NLGN4X: variants seen among roughly 807,000 people sequenced by gnomAD.
The protein encoded by NLGN4X is neuroligin-4, X-linked.
NLGN4X carries 3 observed loss-of-function variants against 40.3 expected under a neutral mutation model. The observed-to-expected ratio is 0.07, with a 90% CI of 0.03 to 0.19. NLGN4X has a LOEUF of 0.19. Among genes scored for constraint, NLGN4X ranks in the 10% least tolerant of loss-of-function variants. The pLI, the probability that NLGN4X is intolerant of heterozygous loss-of-function variation, is 1.00. For missense variants in NLGN4X, 382 were observed against 708.3 expected (o/e 0.54, Z 5.23); for synonymous variants, 270 against 306.8 (o/e 0.88, Z 1.25).
intron 2 of NLGN4X, among the ~76,000 whole-genome samples, chrX:6,107,869 A>G (rs1336872819): frequency 8.9e-6 from 1 of 112,295 alleles, no homozygotes; most frequent in African/African-American, 3.2e-5. Flanking sequence ...ATGTTGCTGC[A>G]AAGGACATGA....
At chrX:5,963,700 T>C (rs1183437725) in intron 3 of NLGN4X, among the ~76,000 whole-genome samples, 1 of 111,943 alleles carries the variant, frequency 8.9e-6, no homozygotes, top group Non-Finnish European at 1.9e-5. Flanking sequence ...TAAAAGCCAC[T>C]TGCATGTCGA....
At chrX:5,973,269 G>A (rs748102487) in intron 3 of NLGN4X, among the ~76,000 whole-genome samples, 2 of 112,340 alleles carry the variant, frequency 1.8e-5, no homozygotes, top group East Asian at 2.8e-4. Flanking sequence ...ACCACTCATG[G>A]ACAAATCATC....
At chrX:5,923,688 T>C (rs756499826) in intron 3 of NLGN4X, among the ~76,000 whole-genome samples, 5 of 111,728 alleles carry the variant, frequency 4.5e-5, no homozygotes, top group Non-Finnish European at 9.4e-5. Flanking sequence ...CCTGCCCCCA[T>C]GATTCACTTG....
At chrX:6,160,880 G>T (rs774855245) in intron 1 of NLGN4X, among the ~76,000 whole-genome samples, 128 of 74,862 alleles carry the variant, frequency 1.7e-3, no homozygotes, top group African/African-American at 5.0e-3. Flanking sequence ...GCTATATATA[G>T]AGAGAGAATA....
intron 2 of NLGN4X, among the ~76,000 whole-genome samples, chrX:6,080,867 C>A (rs1047765542): frequency 9.0e-6 from 1 of 111,048 alleles, no homozygotes; most frequent in Non-Finnish European, 1.9e-5. Flanking sequence ...ATAGAGACAG[C>A]GTCTCACTAT....
At chrX:6,019,378 C>T (rs1320983505) in intron 3 of NLGN4X, among the ~76,000 whole-genome samples, 1 of 111,632 alleles carries the variant, frequency 9.0e-6, no homozygotes, top group Non-Finnish European at 1.9e-5. Context: ...TTTATGGGTA[C>T]ATAGTAAGTG....
chrX:6,110,238 A>C, intron 2 of NLGN4X, among the ~76,000 whole-genome samples: 1 of 111,753 alleles, frequency 8.9e-6, no homozygotes, highest in South Asian at 3.8e-4. Flanking sequence ...AAGCCAATCT[A>C]GGGGGTGGGG....
chrX:6,157,473 GAAA>G (rs776044568), intron 1 of NLGN4X, among the ~76,000 whole-genome samples: 7 of 111,817 alleles, frequency 6.3e-5, no homozygotes, highest in Non-Finnish European at 1.3e-4. Flanking sequence ...ACCGACCAAA[GAAA>G]TAAGACAACA....
At chrX:6,205,777 A>G (rs762819484) in intron 1 of NLGN4X, among the ~76,000 whole-genome samples, 36 of 112,322 alleles carry the variant, frequency 3.2e-4, no homozygotes, top group Non-Finnish European at 5.8e-4. Flanking sequence ...CTGTGCTTTT[A>G]GGATACTACC....
At chrX:5,982,624 A>G (rs2035421010) in intron 3 of NLGN4X, among the ~76,000 whole-genome samples, 1 of 112,130 alleles carries the variant, frequency 8.9e-6, no homozygotes, top group Non-Finnish European at 1.9e-5. Context: ...TGCTAAAATC[A>G]TATTTAAGAT....
intron 3 of NLGN4X, among the ~76,000 whole-genome samples, chrX:6,027,407 CATA>C (rs777547453): frequency 4.1e-4 from 46 of 112,304 alleles, no homozygotes; most frequent in African/African-American, 1.4e-3. Context: ...AAGCCAACGA[CATA>C]ATAAGTTTTT....
intron 2 of NLGN4X, among the ~76,000 whole-genome samples, chrX:6,055,786 G>A (rs1437459146): frequency 9.0e-6 from 1 of 111,450 alleles, no homozygotes; most frequent in African/African-American, 3.3e-5. Context: ...AGTTGTAGAG[G>A]ATTTGATAAA....
chrX:5,900,560 CTTTTT>C (rs1163973694), intron 5 of NLGN4X, among the ~76,000 whole-genome samples: 34 of 45,535 alleles, frequency 7.5e-4, no homozygotes, highest in African/African-American at 1.0e-3. Context: ...GTTTTTGGTG[CTTTTT>C]TTTTTTTTTT....
intron 1 of NLGN4X, among the ~76,000 whole-genome samples, chrX:6,180,446 C>T (rs972319959): frequency 3.6e-5 from 4 of 111,238 alleles, no homozygotes; most frequent in African/African-American, 1.3e-4. Flanking sequence ...AAAGCTCACT[C>T]CCCCTTTACC....
intron 2 of NLGN4X, among the ~76,000 whole-genome samples, chrX:6,034,889 A>G (rs2036963567): frequency 9.0e-6 from 1 of 110,589 alleles, no homozygotes; most frequent in South Asian, 3.9e-4. Flanking sequence ...TTGTATTTTT[A>G]GTAGACATGG....
chrX:6,183,048 G>A lies in NLGN4X; in HGVS notation c.-305-31277C>T, dbSNP rs1228396965. Among the ~76,000 whole-genome samples the A allele has an allele frequency of 3.6e-5, 4 of 112,068 alleles. No individual in the cohort carries two copies. The Admixed American group carries it at 3.8e-4, about 11-fold the overall frequency. On this transcript the variant is annotated intron_variant, in intron 1 of 5. Coordinates refer to ENST00000381095, the MANE Select transcript of NLGN4X (RefSeq NM_181332.3). Reference sequence around the variant, plus strand: ...GGATGAAACAGGGCTGCTAGAAAGTGTCCATTAGATGTGAACGACTGCATT... The same window carrying A: ...GGATGAAACAGGGCTGCTAGAAAGTATCCATTAGATGTGAACGACTGCATT...
intron 3 of NLGN4X, among the ~76,000 whole-genome samples, chrX:5,925,751 T>C (rs1322465245): frequency 2.0e-5 from 2 of 100,910 alleles, no homozygotes; most frequent in Admixed American, 1.1e-4. Flanking sequence ...AGGACTTACA[T>C]GATACCTGCT....
At chrX:5,973,167 T>C (rs2035074881) in intron 3 of NLGN4X, among the ~76,000 whole-genome samples, 2 of 112,316 alleles carry the variant, frequency 1.8e-5, no homozygotes, top group South Asian at 7.4e-4. Context: ...TTGTTGTTAT[T>C]AGATAGACCA....
chrX:5,923,121 A>AT (rs750967494), intron 3 of NLGN4X, among the ~76,000 whole-genome samples: 3 of 111,273 alleles, frequency 2.7e-5, no homozygotes, highest in Middle Eastern at 4.6e-3. Context: ...TTGGGGAAAT[A>AT]TTTTTTTATT....
Sources: gnomAD v4.1 joint callset for allele counts (sites outside exome capture counted in the v4.1 genomes callset) on GRCh38, gnomAD v4.1.1 for gene constraint, MANE v1.5 for transcripts, NCBI Gene and HGNC (gene_info 2026-07-23, HGNC 2026-07-21) for gene names.